LRP1B: variants seen among roughly 807,000 people sequenced by gnomAD.
LRP1B encodes the protein low-density lipoprotein receptor-related protein 1B.
Under a neutral mutation model 556.6 loss-of-function variants are expected in LRP1B, and 217 were observed. The observed-to-expected ratio is 0.39, with a 90% CI of 0.35 to 0.44. The LOEUF (loss-of-function observed/expected upper bound fraction) is 0.44, where lower values mean the gene tolerates loss of function less well. LRP1B is among the 20% of genes least tolerant of loss of function. The pLI is 1.00. For missense variants in LRP1B, 5,053 were observed against 5,620.8 expected (o/e 0.90, Z 3.23); for synonymous variants, 2,047 against 1,865.8 (o/e 1.10, Z -2.50).
intron 1 of LRP1B, among the ~76,000 whole-genome samples, chr2:142,056,918 ACT>A (rs1447044506): frequency 2.6e-5 from 3 of 114,914 alleles, no homozygotes; most frequent in Non-Finnish European, 6.0e-5. Context: ...TTTTGTTTAT[ACT>A]CTGTTACCTT....
At chr2:140,376,316 C>G (rs937695078) in intron 68 of LRP1B, among the ~76,000 whole-genome samples, 3 of 152,104 alleles carry the variant, frequency 2.0e-5, no homozygotes, top group African/African-American at 7.2e-5. Flanking sequence ...ATGCACTTTG[C>G]ATATCTTGTG....
intron 32 of LRP1B, among the ~76,000 whole-genome samples, chr2:140,778,840 G>A (rs951196368): frequency 1.3e-5 from 2 of 151,938 alleles, no homozygotes; most frequent in Admixed American, 6.5e-5. Context: ...TGAAAATTCA[G>A]CTATATTATA....
At chr2:140,505,250 G>A (rs1689359952) in intron 53 of LRP1B, among the ~76,000 whole-genome samples, 2 of 149,636 alleles carry the variant, frequency 1.3e-5, no homozygotes, top group Admixed American at 6.6e-5. Flanking sequence ...GGAAAACCGA[G>A]GCCCAGGGAA....
intron 29 of LRP1B, among the ~76,000 whole-genome samples, chr2:140,849,388 ACAAAAAACAAAAAACAAAATC>A (rs1210745008): frequency 1.4e-5 from 1 of 73,778 alleles, no homozygotes; most frequent in Non-Finnish European, 3.2e-5. Context: ...AAAACAAAAA[ACAAAAAACAAAAAACAAAATC>A]CAAAAAAAAA....
intron 1 of LRP1B, among the ~76,000 whole-genome samples, chr2:142,093,680 G>T (rs1706256674): frequency 6.6e-6 from 1 of 151,984 alleles, no homozygotes; most frequent in Non-Finnish European, 1.5e-5. Flanking sequence ...ATGCACAGAG[G>T]TGTGTGTAAA....
intron 41 of LRP1B, among the ~76,000 whole-genome samples, chr2:140,688,465 C>CAA (rs142706267): frequency 1.2e-4 from 18 of 151,464 alleles, no homozygotes; most frequent in East Asian, 3.9e-4. Context: ...ACAGATAAAA[C>CAA]AAAAAAAAGA....
At chr2:141,358,525 C>T (rs553024471) in intron 3 of LRP1B, among the ~76,000 whole-genome samples, 3 of 152,328 alleles carry the variant, frequency 2.0e-5, no homozygotes, top group Admixed American at 6.5e-5. Context: ...ACCCTGACTT[C>T]TTTCTTCCTC....
chr2:140,491,947 GA>G (rs1371737947), intron 57 of LRP1B, among the ~76,000 whole-genome samples: 14 of 152,292 alleles, frequency 9.2e-5, no homozygotes, highest in African/African-American at 3.1e-4. Flanking sequence ...AAACACTGGT[GA>G]ACTGGAGAGC....
intron 7 of LRP1B, among the ~76,000 whole-genome samples, chr2:141,075,374 G>C (rs905983045): frequency 2.0e-5 from 3 of 152,090 alleles, no homozygotes; most frequent in Non-Finnish European, 2.9e-5. Flanking sequence ...TTAACTTAGT[G>C]TTCTTTCATA....
Position 141,406,959 on chromosome 2 carries a change from T to C in LRP1B, c.343+73437A>G, listed in dbSNP as rs369784001. Among the ~76,000 whole-genome samples the C allele has an allele frequency of 6.6e-5, 10 of 152,254 alleles. No homozygotes were observed. The East Asian group carries it at 1.2e-3, about 18-fold the overall frequency. ...ATACAGACTAGAATCAAGTCATGAC[T>C]AGATAAAGCATTTTAAGGGCATTTT... On this transcript the variant is annotated intron_variant, in intron 3 of 90. Coordinates refer to ENST00000389484, the MANE Select transcript of LRP1B (RefSeq NM_018557.3).
chr2:140,823,400 A>G (rs1246456002), intron 31 of LRP1B, among the ~76,000 whole-genome samples: 1 of 152,200 alleles, frequency 6.6e-6, no homozygotes, highest in African/African-American at 2.4e-5. Flanking sequence ...AATTGCTTGC[A>G]ATAAGTAAAT....
chr2:140,511,533 C>T (rs1689660362), intron 51 of LRP1B, among the ~76,000 whole-genome samples: 1 of 152,042 alleles, frequency 6.6e-6, no homozygotes, highest in Non-Finnish European at 1.5e-5. Context: ...AATATCCTGA[C>T]CTCGTGATCC....
intron 2 of LRP1B, among the ~76,000 whole-genome samples, chr2:141,803,018 C>T (rs775097241): frequency 9.2e-5 from 14 of 151,960 alleles, no homozygotes; most frequent in Non-Finnish European, 1.6e-4. Flanking sequence ...GCTATTTTAC[C>T]TCATTTCAAA....
intron 32 of LRP1B, among the ~76,000 whole-genome samples, chr2:140,801,413 A>G (rs1015009926): frequency 6.6e-6 from 1 of 152,128 alleles, no homozygotes; most frequent in African/African-American, 2.4e-5. Flanking sequence ...ATAAAGAAGG[A>G]ACAGTTTACC....
intron 1 of LRP1B, among the ~76,000 whole-genome samples, chr2:142,126,489 TACTA>T (rs1553519986): frequency 6.6e-6 from 1 of 151,898 alleles, no homozygotes; most frequent in Non-Finnish European, 1.5e-5. Flanking sequence ...TTCCACTTAC[TACTA>T]ACTTAGTTTG....
intron 87 of LRP1B, among the ~76,000 whole-genome samples, chr2:140,242,733 C>A (rs16843644): frequency 0.22 from 33,131 of 150,714 alleles, 3,720 homozygotes; most frequent in East Asian, 0.35. Context: ...AGTGAAGAGA[C>A]TTTAAAGGCC....
At chr2:140,412,841 T>G (rs1265968977) in intron 66 of LRP1B, among the ~76,000 whole-genome samples, 1 of 152,122 alleles carries the variant, frequency 6.6e-6, no homozygotes, top group Non-Finnish European at 1.5e-5. Context: ...ACTGAAGATT[T>G]CTTGCCATTT....
At chr2:140,748,109 ATATATATATATATATATATATATATAT>A (rs1688382235) in intron 35 of LRP1B, among the ~76,000 whole-genome samples, 4 of 126,472 alleles carry the variant, frequency 3.2e-5, no homozygotes, top group Non-Finnish European at 4.9e-5. Context: ...ATATATATAT[ATATATATATATATATATATATATATAT>A]AATTCATATA....
Position 141,105,615 on chromosome 2 carries a change from T to C in LRP1B, c.1014-43342A>G, listed in dbSNP as rs78388074. Among the ~76,000 whole-genome samples the C allele has an allele frequency of 2.1e-4, 32 of 152,168 alleles. No homozygotes were observed. In the East Asian group the frequency reaches 6.2e-3, roughly 29 times the overall value. On this transcript the variant is annotated intron_variant, in intron 7 of 90. Transcript: ENST00000389484. ...GAGTATCTTGCTCTGGTTTCAATAA[T>C]AGTAAACAGAATTTTATTGACCACC...
Sources: gnomAD v4.1 joint callset for allele counts (sites outside exome capture counted in the v4.1 genomes callset) on GRCh38, gnomAD v4.1.1 for gene constraint, MANE v1.5 for transcripts, NCBI Gene and HGNC (gene_info 2026-07-23, HGNC 2026-07-21) for gene names.